Variants in ADAM18 observed in about 807,000 individuals in gnomAD.
ADAM18 encodes ADAM metallopeptidase domain 18.
In ADAM18, 117 loss-of-function variants were observed where a neutral mutation model predicts 94.4. The ratio of observed to expected loss-of-function variants is 1.24; its 90% confidence interval spans 1.07 to 1.45. The LOEUF (loss-of-function observed/expected upper bound fraction) is 1.45, where lower values mean the gene tolerates loss of function less well. Ranked by LOEUF, ADAM18 falls within the 40% of genes most tolerant of loss-of-function variation. The pLI is 0.00. For missense variants in ADAM18, 936 were observed against 880.0 expected, an observed-to-expected ratio of 1.06 and a Z score of -0.81; for synonymous variants, 327 against 291.6, an observed-to-expected ratio of 1.12 and a Z score of -1.24.
At chr8:39,686,538 A>G (rs1821609975) in intron 16 of ADAM18, among the ~76,000 whole-genome samples, 1 of 152,154 alleles carries the variant, frequency 6.6e-6, no homozygotes. Flanking sequence ...CCACTTTTTA[A>G]TATGATTGCA....
chr8:39,709,206 G>A lies in ADAM18; in HGVS notation c.2017+2302G>A, dbSNP rs1563315958. Among the ~76,000 whole-genome samples the A allele has an allele frequency of 3.3e-5, 5 of 152,174 alleles. 1 individual carries two copies. Among genetic ancestry groups the A allele is most frequent in the South Asian group, 4.1e-4 (2 of 4,828 alleles). ...GTGGCTCTCAGTGGGAAGGGGAGCC[G>A]AAAAGGGGATGGGGTGGGAAGGTAA... On this transcript the variant is annotated intron_variant, in intron 18 of 19. Transcript: ENST00000265707.
chr8:39,707,077 C>T (rs576707454), intron 18 of ADAM18, among the ~76,000 whole-genome samples, 173 bp downstream of exon 18: 1 of 152,296 alleles, frequency 6.6e-6, no homozygotes, highest in African/African-American at 2.4e-5. Flanking sequence ...GTAGATAGCA[C>T]CAAGCTCTAA....
chr8:39,728,166 C>A (rs1243305833), intron 19 of ADAM18, among the ~76,000 whole-genome samples: 1 of 152,110 alleles, frequency 6.6e-6, no homozygotes, highest in East Asian at 1.9e-4. Context: ...GGAGATTCAC[C>A]CCATGATACA....
chr8:39,727,529 T>G (rs1822951272), intron 19 of ADAM18, among the ~76,000 whole-genome samples: 1 of 152,216 alleles, frequency 6.6e-6, no homozygotes, highest in Admixed American at 6.5e-5. Flanking sequence ...CATCTTTAGT[T>G]CAAGCTTCCA....
At chr8:39,714,255 C>A (rs1345175816) in intron 18 of ADAM18, among the ~76,000 whole-genome samples, 1 of 152,078 alleles carries the variant, frequency 6.6e-6, no homozygotes, top group Non-Finnish European at 1.5e-5. Flanking sequence ...CACTTGGTTG[C>A]AGGGCAGGGA....
At chr8:39,711,023 A>G (rs1822380430) in intron 18 of ADAM18, among the ~76,000 whole-genome samples, 1 of 152,198 alleles carries the variant, frequency 6.6e-6, no homozygotes, top group East Asian at 1.9e-4. Context: ...GCCTGCACTG[A>G]ATAGAAGAGT....
chr8:39,637,750 T>C, intron 9 of ADAM18, 47 bp downstream of exon 9: 7 of 1,431,370 alleles, frequency 4.9e-6, no homozygotes, highest in Non-Finnish European at 6.5e-6. Flanking sequence ...ATAATTATTT[T>C]AAATTGGTAA....
chr8:39,584,858 C>T (rs920528287), intron 1 of ADAM18, among the ~76,000 whole-genome samples, 181 bp downstream of exon 1: 2 of 152,104 alleles, frequency 1.3e-5, no homozygotes, highest in South Asian at 2.1e-4. Flanking sequence ...AAGGCCTTAG[C>T]GGAGGACCTG....
At chr8:39,661,406 C>T (rs147536631) in intron 12 of ADAM18, among the ~76,000 whole-genome samples, 2,022 of 145,870 alleles carry the variant, frequency 0.014, 40 homozygotes, top group African/African-American at 0.05. Context: ...TATCTCCTGA[C>T]CTCGTGATCC....
intron 2 of ADAM18, among the ~76,000 whole-genome samples, chr8:39,594,590 T>C (rs574666273): frequency 2.6e-5 from 4 of 152,168 alleles, no homozygotes; most frequent in African/African-American, 7.2e-5. Context: ...TGGATTTTCA[T>C]AGAATTCTAG....
At chr8:39,715,449 C>T (rs766074045) in intron 18 of ADAM18, among the ~76,000 whole-genome samples, 1 of 145,662 alleles carries the variant, frequency 6.9e-6, no homozygotes, top group Non-Finnish European at 1.5e-5. Flanking sequence ...GAAAAGAAAA[C>T]AGTACAGTAA....
chr8:39,721,828 A>G (rs984350192), intron 18 of ADAM18, among the ~76,000 whole-genome samples: 1 of 151,468 alleles, frequency 6.6e-6, no homozygotes, highest in African/African-American at 2.4e-5. Flanking sequence ...TACTATAACC[A>G]TGGAAAACAG....
chr8:39,706,371 T>C (rs1159836659), intron 17 of ADAM18, among the ~76,000 whole-genome samples: 1 of 152,042 alleles, frequency 6.6e-6, no homozygotes, highest in African/African-American at 2.4e-5. Flanking sequence ...TCAATTGATA[T>C]TTATTTTATC....
chr8:39,602,243 A>AT (rs1309728610), intron 2 of ADAM18, among the ~76,000 whole-genome samples: 4 of 152,032 alleles, frequency 2.6e-5, no homozygotes, highest in East Asian at 3.9e-4. Context: ...TTTTTATGTG[A>AT]TTTTTTGGAT....
At chr8:39,665,684 T>C (rs1246395498) in intron 13 of ADAM18, among the ~76,000 whole-genome samples, 1 of 152,196 alleles carries the variant, frequency 6.6e-6, no homozygotes, top group Non-Finnish European at 1.5e-5. Flanking sequence ...ATTTAAATCA[T>C]TGATCCATAC....
At chr8:39,721,607 AACAG>A (rs1425872873) in intron 18 of ADAM18, among the ~76,000 whole-genome samples, 14 of 151,772 alleles carry the variant, frequency 9.2e-5, no homozygotes, top group Admixed American at 9.2e-4. Flanking sequence ...AAAAGACATG[AACAG>A]ACACTTTACA....
chr8:39,687,572 A>G (rs944341554), intron 16 of ADAM18, among the ~76,000 whole-genome samples: 5 of 152,196 alleles, frequency 3.3e-5, no homozygotes, highest in Non-Finnish European at 7.3e-5. Context: ...TCACCAAGGT[A>G]GTGAGCATAG....
intron 17 of ADAM18, among the ~76,000 whole-genome samples, chr8:39,699,225 T>C (rs936560127): frequency 3.9e-5 from 6 of 152,066 alleles, no homozygotes; most frequent in African/African-American, 9.7e-5. Flanking sequence ...TTTTTTATGG[T>C]TTTTCAGGTT....
Position 39,730,065 on chromosome 8 carries a change from A to C in ADAM18, c.*125A>C. On this transcript the variant is annotated 3_prime_UTR_variant, in exon 20 of 20. Transcript: ENST00000265707. ...GAAAATAAAGCCTGCGTGCCCTCCCATGTGCCTCCTCCAGTGCCTCTTGCT... is the reference window on the plus strand; with the variant it reads ...GAAAATAAAGCCTGCGTGCCCTCCCCTGTGCCTCCTCCAGTGCCTCTTGCT... 3 of 862,632 alleles carry C rather than the reference A, an allele frequency of 3.5e-6. No individual in the cohort carries two copies. Among genetic ancestry groups the C allele is most frequent in the South Asian group, 1.5e-5 (1 of 65,560 alleles). 53.4% of individuals were successfully genotyped at this position (862,632 alleles called of 1,614,324 possible).
Sources: allele counts gnomAD v4.1 joint callset (sites outside exome capture counted in the v4.1 genomes callset), GRCh38; gene constraint gnomAD v4.1.1; transcripts MANE v1.5; gene names NCBI Gene and HGNC (gene_info 2026-07-23, HGNC 2026-07-21).